The following NOL10 variants were observed in gnomAD, a reference collection of about 807,000 sequenced individuals.
The protein encoded by NOL10 is nucleolar protein 10, also known as H_NH0074G24.1.
Under a neutral mutation model 103.5 loss-of-function variants are expected in NOL10, and 58 were observed. The ratio of observed to expected loss-of-function variants is 0.56; its 90% CI spans 0.45 to 0.70. The LOEUF is 0.70. Among genes scored for constraint, NOL10 ranks in the 30% least tolerant of loss-of-function variants. The pLI is 0.00. For missense variants in NOL10, 763 were observed against 807.3 expected, an observed-to-expected ratio of 0.95 and a Z score of 0.67; for synonymous variants, 287 against 282.5, an observed-to-expected ratio of 1.02 and a Z score of -0.16.
chr2:10,599,708 A>G (rs1362045236), intron 17 of NOL10, among the ~76,000 whole-genome samples: 1 of 152,196 alleles, frequency 6.6e-6, no homozygotes, highest in Non-Finnish European at 1.5e-5. Flanking sequence ...GGATGCAGGG[A>G]AAGACTAAGG....
rs3732114 is a variant in NOL10, at chr2:10,572,152, C to T, written c.1986G>A (p.Leu662=). ...GGAGTCTTTTCCTTTCTTGTCGATG[C>T]AGTTTCTCAGCCTCCTGTTGCTTCT... ...QQKKQQEAEK[L]HRQERKRLRR... is the part of the protein sequence containing the mutation. The change falls in exon 21 of 21, where the codon CTG becomes CTA. Residue 662 remains leucine (L), a synonymous_variant. Transcript: ENST00000381685. The T allele has an allele frequency of 0.15, 241,744 of 1,613,380 alleles. 26,534 individuals are homozygous for T. Among genetic ancestry groups the T allele is most frequent in the African/African-American group, 0.46 (34,179 of 74,864 alleles).
chr2:10,668,205 TC>T (rs1298103424), intron 7 of NOL10, among the ~76,000 whole-genome samples: 1 of 152,228 alleles, frequency 6.6e-6, no homozygotes, highest in African/African-American at 2.4e-5. Context: ...GATGATGGAT[TC>T]ATTCCTAAAA....
At chr2:10,668,414 A>G (rs1680689300) in intron 7 of NOL10, among the ~76,000 whole-genome samples, 1 of 152,216 alleles carries the variant, frequency 6.6e-6, no homozygotes, top group Admixed American at 6.5e-5. Context: ...TAATAATAAT[A>G]AACTGAGTAT....
chr2:10,589,438 T>A, intron 18 of NOL10, 140 bp downstream of exon 18: 3 of 1,235,054 alleles, frequency 2.4e-6, no homozygotes, highest in Non-Finnish European at 3.3e-6. Flanking sequence ...ATAAATAAGA[T>A]AATACTCCTA....
At chr2:10,629,341 A>G (rs1044543245) in intron 13 of NOL10, among the ~76,000 whole-genome samples, 1 of 152,194 alleles carries the variant, frequency 6.6e-6, no homozygotes, top group African/African-American at 2.4e-5. Context: ...ATTTTCAAAA[A>G]TAACTATTAC....
chr2:10,577,805 T>A (rs1674537358), intron 19 of NOL10, 67 bp from the exon 20 acceptor site: 1 of 1,084,528 alleles, frequency 9.2e-7, no homozygotes, highest in Non-Finnish European at 1.4e-6. Flanking sequence ...TTGAAACAAG[T>A]TTTGATTAGA....
intron 6 of NOL10, among the ~76,000 whole-genome samples, chr2:10,670,472 T>C (rs11890826): frequency 2.2e-4 from 33 of 152,256 alleles, no homozygotes; most frequent in African/African-American, 6.7e-4. Context: ...CCGTGGCTCA[T>C]GTCTGTACTC....
chr2:10,609,311 GGC>G (rs1416177254), intron 13 of NOL10, among the ~76,000 whole-genome samples: 1 of 151,874 alleles, frequency 6.6e-6, no homozygotes, highest in Non-Finnish European at 1.5e-5. Context: ...TTCATGGCCG[GGC>G]GCGGTGGCTC....
At position 10,671,537 on chromosome 2, in the gene NOL10, GGGACT is replaced by G. The variant is rs766590862; in HGVS notation, c.464+12_464+16del. On this transcript the variant is annotated intron_variant, in intron 6 of 20. Coordinates refer to ENST00000381685, the MANE Select transcript of NOL10 (RefSeq NM_024894.4). ...TTTTAGGAGGTGAAAAGGAGAAAAA[GGGACT>G]GGATCCAATACCTTGCACCAACAAA... 4.5e-6 allele frequency: 7 copies of G among 1,547,318 alleles called. No homozygotes were observed. In the East Asian group the frequency reaches 1.2e-4, roughly 26 times the overall value.
At chr2:10,594,743 C>T (rs183377906) in intron 17 of NOL10, among the ~76,000 whole-genome samples, 2 of 152,246 alleles carry the variant, frequency 1.3e-5, no homozygotes, top group East Asian at 3.9e-4. Context: ...GTAATCCCAA[C>T]ACTTTGGGAG....
rs915646335 is a variant in NOL10, at chr2:10,610,902, T to C, written c.1027-3591A>G. The stretch of plus-strand genomic sequence containing the variant: ...CTCAAACTTTCCAGGTTTTCTGTCC[T>C]GCTGTTACATTGCTGTATTCTATGC... On this transcript the variant is annotated intron_variant, in intron 13 of 20. Transcript: ENST00000381685. Among the ~76,000 whole-genome samples the C allele has an allele frequency of 1.3e-4, 20 of 152,370 alleles. 1 individual carries two copies. Among genetic ancestry groups the C allele is most frequent in the South Asian group, 1.0e-3 (5 of 4,826 alleles).
At chr2:10,669,487 CACACACACAT>C (rs1290263077) in intron 6 of NOL10, among the ~76,000 whole-genome samples, 1 of 125,044 alleles carries the variant, frequency 8.0e-6, no homozygotes, top group Non-Finnish European at 1.6e-5. Flanking sequence ...TATATACACA[CACACACACAT>C]ACACACACAC....
At chr2:10,679,129 G>A (rs1376306585) in intron 3 of NOL10, among the ~76,000 whole-genome samples, 1 of 152,026 alleles carries the variant, frequency 6.6e-6, no homozygotes, top group Non-Finnish European at 1.5e-5. Context: ...GGAAGCTGAG[G>A]TGGGCGGATC....
At chr2:10,649,600 A>G (rs1012272841) in intron 12 of NOL10, among the ~76,000 whole-genome samples, 5 of 152,128 alleles carry the variant, frequency 3.3e-5, no homozygotes, top group Non-Finnish European at 7.4e-5. Flanking sequence ...GACTACAGGC[A>G]TGAGACACTG....
intron 2 of NOL10, among the ~76,000 whole-genome samples, chr2:10,683,896 C>T (rs763293700): frequency 3.9e-5 from 6 of 152,096 alleles, no homozygotes; most frequent in East Asian, 3.8e-4. Context: ...ATCCATGAAA[C>T]GGTAACAGGC....
chr2:10,678,310 C>T (rs1310068110), intron 3 of NOL10, among the ~76,000 whole-genome samples: 1 of 151,896 alleles, frequency 6.6e-6, no homozygotes, highest in Non-Finnish European at 1.5e-5. Flanking sequence ...CCTCAGCCTC[C>T]CAAAGTGCAG....
At chr2:10,575,343 A>G (rs565273614) in intron 20 of NOL10, among the ~76,000 whole-genome samples, 32 of 152,248 alleles carry the variant, frequency 2.1e-4, no homozygotes, top group Non-Finnish European at 3.7e-4. Context: ...CTACCTGAGC[A>G]TATCTAACCT....
At chr2:10,605,175 A>G (rs1007189208) in intron 14 of NOL10, among the ~76,000 whole-genome samples, 8 of 152,206 alleles carry the variant, frequency 5.3e-5, no homozygotes, top group Admixed American at 2.0e-4. Context: ...ATGTAAACCC[A>G]TGTCAGTCTA....
At chr2:10,652,100 C>A (rs961682548) in intron 12 of NOL10, among the ~76,000 whole-genome samples, 1 of 152,046 alleles carries the variant, frequency 6.6e-6, no homozygotes, top group African/African-American at 2.4e-5. Context: ...ATTAGCCGGG[C>A]GTGGTGGCGG....
Sources: allele counts gnomAD v4.1 joint callset (sites outside exome capture counted in the v4.1 genomes callset), GRCh38; gene constraint gnomAD v4.1.1; transcripts MANE v1.5; gene names NCBI Gene and HGNC (gene_info 2026-07-23, HGNC 2026-07-21).